The following ZFHX4 variants were observed in gnomAD, a reference collection of about 807,000 sequenced individuals.
ZFHX4 encodes the protein zinc finger homeobox protein 4.
In ZFHX4, 56 loss-of-function variants were observed where a neutral mutation model predicts 267.6. The ratio of observed to expected loss-of-function variants is 0.21; its 90% CI spans 0.17 to 0.26. ZFHX4 has a LOEUF of 0.26. Ranked by LOEUF, ZFHX4 falls within the 10% of genes least tolerant of loss-of-function variation. The probability of loss-of-function intolerance (pLI) is 1.00; values close to 1 mark genes in which losing one functional copy is unlikely to be tolerated. For missense variants in ZFHX4, 4,332 were observed against 4,420.0 expected, an observed-to-expected ratio of 0.98 and a Z score of 0.56; for synonymous variants, 1,778 against 1,665.6, an observed-to-expected ratio of 1.07 and a Z score of -1.64.
intron 4 of ZFHX4, among the ~76,000 whole-genome samples, chr8:76,821,326 T>C (rs1264826287): frequency 6.6e-6 from 1 of 152,176 alleles, no homozygotes; most frequent in South Asian, 2.1e-4. Flanking sequence ...TTTTCCACAC[T>C]TGACATCTCC....
rs531558588 is a variant in ZFHX4 at position 76,748,272 on chromosome 8, C to T, written c.3094-29936C>T. ...CTCTTTAGCTTCTTCATGGATCATC[C>T]AGCTACTCCTACTGACTTCTAGCAG... On this transcript the variant is annotated intron_variant, in intron 3 of 10. Transcript: ENST00000651372. Among the ~76,000 whole-genome samples, 12 of 152,264 alleles carry T rather than the reference C, an allele frequency of 7.9e-5. No homozygotes were observed. In the South Asian group the frequency reaches 2.3e-3, roughly 29 times the overall value.
chr8:76,719,413 A>G (rs1200102025), intron 3 of ZFHX4, among the ~76,000 whole-genome samples: 1 of 152,046 alleles, frequency 6.6e-6, no homozygotes, highest in Non-Finnish European at 1.5e-5. Context: ...CTGTATGTAC[A>G]CATGACTAAT....
chr8:76,858,561 C>T (rs182707737), intron 10 of ZFHX4, among the ~76,000 whole-genome samples: 1 of 152,220 alleles, frequency 6.6e-6, no homozygotes, highest in Admixed American at 6.5e-5. Flanking sequence ...CCAGTGGGGC[C>T]CCACCTGAGC....
chr8:76,849,802 A>G (rs908416125), intron 8 of ZFHX4, 90 bp downstream of exon 8: 1 of 1,324,838 alleles, frequency 7.5e-7, no homozygotes, highest in South Asian at 1.3e-5. Flanking sequence ...ATGGAAATGT[A>G]TTTCTTCAGA....
intron 3 of ZFHX4, among the ~76,000 whole-genome samples, chr8:76,757,783 A>T (rs1189980623): frequency 6.6e-6 from 1 of 152,142 alleles, no homozygotes; most frequent in Non-Finnish European, 1.5e-5. Context: ...GGAGCCCAGG[A>T]GAGAAGGAAG....
intron 1 of ZFHX4, among the ~76,000 whole-genome samples, chr8:76,691,958 G>A (rs755356484): frequency 4.6e-5 from 7 of 152,020 alleles, no homozygotes; most frequent in Non-Finnish European, 8.8e-5. Flanking sequence ...ATTTGGCAAT[G>A]GATATGTCTA....
intron 1 of ZFHX4, among the ~76,000 whole-genome samples, chr8:76,681,979 T>G (rs1807542786): frequency 6.6e-6 from 1 of 152,202 alleles, no homozygotes; most frequent in Non-Finnish European, 1.5e-5. Context: ...GAGGATCATC[T>G]ACGTTTGCTT....
intron 4 of ZFHX4, among the ~76,000 whole-genome samples, chr8:76,794,912 G>GT (rs1563526548): frequency 2.9e-5 from 4 of 136,676 alleles, no homozygotes; most frequent in Non-Finnish European, 4.7e-5. Context: ...TGTGTGTGTG[G>GT]ACAAATCAAG....
chr8:76,713,343 T>C (rs1168507222), intron 3 of ZFHX4, among the ~76,000 whole-genome samples: 1 of 151,728 alleles, frequency 6.6e-6, no homozygotes, highest in African/African-American at 2.4e-5. Context: ...TAGATATCAA[T>C]CCCTAGGAAG....
rs1563574361 is a variant in ZFHX4, at chr8:76,866,437, CT to C, written c.*1878del. On this transcript the variant is annotated 3_prime_UTR_variant, in exon 11 of 11. Coordinates refer to ENST00000651372, the MANE Select transcript of ZFHX4 (RefSeq NM_024721.5). ...CTTTATTCTATACATTTTATGTGAA[CT>C]TTTTTAATGTCTTTAATTTGGATTT... The C allele has an allele frequency of 6.6e-6, 1 of 150,378 alleles. No homozygotes were observed. Among genetic ancestry groups the C allele is most frequent in the African/African-American group, 2.4e-5 (1 of 40,906 alleles). The allele number at this position is 150,378 out of a possible 1,614,324, so 9.3% of individuals were successfully genotyped here. A position where few individuals can be genotyped will look rare whatever the true frequency, so the allele number is the denominator to read the frequency against.
At chr8:76,819,463 C>T (rs1401657770) in intron 4 of ZFHX4, among the ~76,000 whole-genome samples, 1 of 152,058 alleles carries the variant, frequency 6.6e-6, no homozygotes, top group Admixed American at 6.6e-5. Context: ...ATATGTACTC[C>T]TTGAATATGT....
At chr8:76,812,363 A>C (rs1243796976) in intron 4 of ZFHX4, among the ~76,000 whole-genome samples, 3 of 152,242 alleles carry the variant, frequency 2.0e-5, no homozygotes, top group Non-Finnish European at 4.4e-5. Flanking sequence ...GGTGAAACTC[A>C]TGAAACTTTT....
intron 1 of ZFHX4, among the ~76,000 whole-genome samples, chr8:76,685,579 T>C (rs1378878206): frequency 6.6e-6 from 1 of 152,230 alleles, no homozygotes; most frequent in East Asian, 1.9e-4. Context: ...TACATTCTGC[T>C]GCTTTAAAAA....
chr8:76,739,071 C>T (rs1809248386), intron 3 of ZFHX4, among the ~76,000 whole-genome samples: 1 of 152,022 alleles, frequency 6.6e-6, no homozygotes, highest in Admixed American at 6.6e-5. Flanking sequence ...TATGCAGGAA[C>T]CATGATTTAG....
At chr8:76,805,846 C>T (rs111265771) in intron 4 of ZFHX4, among the ~76,000 whole-genome samples, 10 of 151,544 alleles carry the variant, frequency 6.6e-5, no homozygotes, top group East Asian at 1.9e-4. Flanking sequence ...GGTGTAAGTA[C>T]GCCTTTAGGG....
In ZFHX4 at chr8:76,866,943, G is replaced by A. The variant is rs1179440875; in HGVS notation, c.*2378G>A. 6.6e-6 allele frequency: 1 copy of A among 152,578 alleles called. No homozygotes were observed. The allele number at this position is 152,578 out of a possible 1,614,324, so 9.5% of individuals were successfully genotyped here. ...AGCGCAATCATTGTCTACACAACATGTACTCTCAACGCCTGGGTTACATAG... is the reference window on the plus strand; with the variant it reads ...AGCGCAATCATTGTCTACACAACATATACTCTCAACGCCTGGGTTACATAG... On this transcript the variant is annotated 3_prime_UTR_variant, in exon 11 of 11. Coordinates refer to ENST00000651372, the MANE Select transcript of ZFHX4 (RefSeq NM_024721.5).
intron 3 of ZFHX4, among the ~76,000 whole-genome samples, chr8:76,753,907 C>A (rs1809692696): frequency 6.6e-6 from 1 of 151,446 alleles, no homozygotes; most frequent in South Asian, 2.1e-4. Context: ...GGATCACCGG[C>A]ATGAGCCACT....
intron 3 of ZFHX4, among the ~76,000 whole-genome samples, chr8:76,758,853 T>C (rs969245854): frequency 6.6e-6 from 1 of 152,080 alleles, no homozygotes; most frequent in African/African-American, 2.4e-5. Context: ...TAGTGAGAGG[T>C]CTGTGGCACC....
rs375763618 is a variant in ZFHX4 at position 76,806,706 on chromosome 8, A to G, written c.3326-26632A>G. Among the ~76,000 whole-genome samples, 12 of 152,200 alleles carry G rather than the reference A, an allele frequency of 7.9e-5. No homozygotes were observed. In the East Asian group the frequency reaches 1.9e-3, roughly 24 times the overall value. Reference sequence around the variant, plus strand: ...AATCTTAAAATATATAAATTTTTCTATAGTCATTTCCAAGTGTCCCCAAGA... The same window carrying G: ...AATCTTAAAATATATAAATTTTTCTGTAGTCATTTCCAAGTGTCCCCAAGA... On this transcript the variant is annotated intron_variant, in intron 4 of 10. Transcript: ENST00000651372.
Sources: allele counts gnomAD v4.1 joint callset (sites outside exome capture counted in the v4.1 genomes callset), GRCh38; gene constraint gnomAD v4.1.1; transcripts MANE v1.5; gene names NCBI Gene and HGNC (gene_info 2026-07-23, HGNC 2026-07-21).